Variants in FBXL13 observed in about 807,000 individuals in gnomAD.
FBXL13 encodes the protein F-box and leucine-rich repeat protein 13.
A neutral mutation model predicts 83.6 loss-of-function variants in FBXL13; 67 were observed. That is an observed-to-expected ratio of 0.80 (90% CI 0.66 to 0.98). FBXL13 has a LOEUF of 0.98. FBXL13 is among the 50% of genes least tolerant of loss of function. The probability of loss-of-function intolerance (pLI) is 0.00; values close to 1 mark genes in which losing one functional copy is unlikely to be tolerated. For synonymous variants in FBXL13, 272 were observed against 299.5 expected (o/e 0.91, Z 0.95); for missense variants, 822 against 866.5 (o/e 0.95, Z 0.64).
chr7:103,072,321 G>A (rs1287570569), intron 1 of FBXL13, among the ~76,000 whole-genome samples: 1 of 152,148 alleles, frequency 6.6e-6, no homozygotes, highest in African/African-American at 2.4e-5. Flanking sequence ...GGGTGTGTGG[G>A]GCCCAGAGGA....
chr7:102,861,138 A>G (rs1282067317), intron 16 of FBXL13, among the ~76,000 whole-genome samples: 1 of 152,056 alleles, frequency 6.6e-6, no homozygotes, highest in Non-Finnish European at 1.5e-5. Context: ...ACTATGTAGT[A>G]TTATGCATAT....
At chr7:102,913,011 G>C in intron 11 of FBXL13, 75 bp downstream of exon 12, 1 of 1,596,296 alleles carries the variant, frequency 6.3e-7, no homozygotes, top group African/African-American at 1.3e-5. Flanking sequence ...TTAGTATAAC[G>C]TGAGGGCTGA....
chr7:102,968,040 T>C (rs992940925), exon 7 of FBXL13: 2 of 1,613,270 alleles, frequency 1.2e-6, no homozygotes, highest in African/African-American at 1.3e-5. Context: ...ACAGTGAGTT[T>C]AGTTGTGTCA....
At chr7:102,912,684 C>A (rs73714534) in intron 11 of FBXL13, among the ~76,000 whole-genome samples, 17,457 of 114,306 alleles carry the variant, frequency 0.15, 1,677 homozygotes, top group East Asian at 0.3. Flanking sequence ...CCCCCCCCCC[C>A]AAAAAAAAAC....
At chr7:103,013,481 C>A (rs1362853063) in intron 6 of FBXL13, among the ~76,000 whole-genome samples, 1 of 152,212 alleles carries the variant, frequency 6.6e-6, no homozygotes, top group Admixed American at 6.5e-5. Flanking sequence ...CTAAGAATAT[C>A]AATCAAAAGC....
In FBXL13 at chr7:102,879,439, A is replaced by ATGTGTGTGTGTGTG. The variant is rs139051886; in HGVS notation, c.1389-1003_1389-990dup. Among the ~76,000 whole-genome samples the ATGTGTGTGTGTGTG allele has an allele frequency of 7.7e-3, 1,108 of 144,790 alleles. 22 individuals carry two copies. The highest frequency in any genetic ancestry group is 0.024 in the African/African-American group (929 of 38,534). The allele number at this position is 144,790 out of a possible 152,430, so 95.0% of individuals were successfully genotyped here. On this transcript the variant is annotated intron_variant, in intron 14 of 19. Transcript: ENST00000313221. ...CCAGCACCTAGGAAAGCAGTTAAGG[A>ATGTGTGTGTGTGTG]TGTGTGTGTGTGTGTGTGTGTGTGT...
chr7:103,055,493 G>A (rs774779702), intron 2 of FBXL13, among the ~76,000 whole-genome samples, 151 bp downstream of exon 2: 1 of 152,142 alleles, frequency 6.6e-6, no homozygotes, highest in Admixed American at 6.5e-5. Context: ...ATTCAGGTTT[G>A]CGTCTTTGAA....
rs1184954453 is a variant in FBXL13, at chr7:102,882,067, C to T, written c.1388+1238G>A. On this transcript the variant is annotated intron_variant, in intron 14 of 19. Transcript: ENST00000313221. ...CCTGAAGCCAGGACTTTGAGACCTGCCTGGGCAATCTAGTGAGACCCCGAC... is the reference window on the plus strand; with the variant it reads ...CCTGAAGCCAGGACTTTGAGACCTGTCTGGGCAATCTAGTGAGACCCCGAC... Among the ~76,000 whole-genome samples the T allele has an allele frequency of 2.0e-5, 3 of 152,088 alleles. No individual in the cohort carries two copies. The East Asian group carries it at 5.8e-4, about 29-fold the overall frequency.
chr7:102,942,575 T>C (rs1821667083), intron 8 of FBXL13, among the ~76,000 whole-genome samples: 1 of 152,232 alleles, frequency 6.6e-6, no homozygotes, highest in African/African-American at 2.4e-5. Flanking sequence ...CATATGCTTT[T>C]AATCTCAAAG....
chr7:103,022,712 A>G (rs935483728), intron 6 of FBXL13, among the ~76,000 whole-genome samples: 5 of 152,224 alleles, frequency 3.3e-5, no homozygotes, highest in African/African-American at 1.2e-4. Flanking sequence ...ACTTAAAACT[A>G]TAACAACCCT....
At chr7:102,853,464 G>A (rs1364344442) in intron 17 of FBXL13, among the ~76,000 whole-genome samples, 2 of 152,116 alleles carry the variant, frequency 1.3e-5, no homozygotes, top group Non-Finnish European at 2.9e-5. Context: ...GCATGGGCAA[G>A]GACTTCATGT....
Position 102,913,212 on chromosome 7 carries a change from G to A in FBXL13, c.882C>T (p.His294=), listed in dbSNP as rs74375893. The change falls in exon 11 of 20, where the codon CAC becomes CAT. Residue 294 remains histidine, a synonymous_variant. Coordinates refer to ENST00000313221, the Ensembl canonical transcript of FBXL13. The stretch of plus-strand genomic sequence containing the variant: ...AACTAAGATTCTGTAAGTTGTGGAA[G>A]TGCCTGAAAAGACAAAAGAGAGGAA... 1.3e-3 allele frequency: 2,137 copies of A among 1,614,126 alleles called. 25 individuals carry two copies. In the African/African-American group the frequency reaches 0.025, roughly 19 times the overall value.
chr7:102,861,130 T>C (rs1295608393), intron 16 of FBXL13, among the ~76,000 whole-genome samples: 1 of 152,078 alleles, frequency 6.6e-6, no homozygotes, highest in Non-Finnish European at 1.5e-5. Flanking sequence ...CCTATGTAAC[T>C]ATGTAGTATT....
chr7:102,854,851 C>T lies in FBXL13; in HGVS notation c.1645G>A (p.Val549Met), dbSNP rs907099633. 7 of 1,552,788 alleles carry T rather than the reference C, an allele frequency of 4.5e-6. No individual in the cohort carries two copies. The Admixed American group carries it at 1.1e-4, about 24-fold the overall frequency. ...TTCAATTTTTTATGTCTGGAAAGCA[C>T]ATTCAAACCCTAAAAATATTTAATA... is the stretch of plus-strand genomic sequence containing the variant. The change falls in exon 17 of 20, where the codon GTG becomes ATG. Residue 549 changes from valine (V) to methionine (M), a missense_variant. Transcript: ENST00000313221.
intron 17 of FBXL13, among the ~76,000 whole-genome samples, chr7:102,847,356 G>T (rs1254144811): frequency 3.9e-5 from 6 of 152,084 alleles, no homozygotes; most frequent in Admixed American, 6.5e-5. Flanking sequence ...ATAAAAATTA[G>T]GACTCTTGAC....
intron 19 of FBXL13, among the ~76,000 whole-genome samples, chr7:102,815,478 G>A (rs900464852): frequency 7.9e-5 from 12 of 152,078 alleles, no homozygotes; most frequent in African/African-American, 2.7e-4. Context: ...TCTAGAAGGG[G>A]CATTCTTATG....
chr7:102,829,488 C>T (rs1800280650), intron 18 of FBXL13, among the ~76,000 whole-genome samples: 1 of 152,160 alleles, frequency 6.6e-6, no homozygotes, highest in Non-Finnish European at 1.5e-5. Flanking sequence ...TAATTTTTCT[C>T]ATTTCCCACC....
rs1161520975 is a variant in FBXL13 at position 102,822,256 on chromosome 7, G to T, written c.1855-53C>A. The T allele has an allele frequency of 1.1e-5, 17 of 1,553,310 alleles. No homozygotes were observed. In the East Asian group the frequency reaches 3.1e-4, roughly 29 times the overall value. ...GTTATTCAAACACTATCTCAGGGAAGAACAGTGCCTTAGTCACTTTGGGCA... is the reference window on the plus strand; with the variant it reads ...GTTATTCAAACACTATCTCAGGGAATAACAGTGCCTTAGTCACTTTGGGCA... On this transcript the variant is annotated intron_variant, in intron 18 of 19. Coordinates refer to ENST00000313221, the Ensembl canonical transcript of FBXL13.
chr7:103,031,130 T>G (rs1794471711), intron 2 of FBXL13: 1 of 152,172 alleles, frequency 6.6e-6, no homozygotes, highest in Non-Finnish European at 1.5e-5. Context: ...TAATGCCCCA[T>G]TCCCCACTTA....
Sources: allele counts gnomAD v4.1 joint callset (sites outside exome capture counted in the v4.1 genomes callset), GRCh38; gene constraint gnomAD v4.1.1; transcripts MANE v1.5; gene names NCBI Gene and HGNC (gene_info 2026-07-23, HGNC 2026-07-21).